Variants in GRIK2 observed in about 807,000 individuals in gnomAD.
GRIK2 encodes glutamate receptor ionotropic, kainate 2.
A neutral mutation model predicts 100.3 loss-of-function variants in GRIK2; 32 were observed. The observed-to-expected ratio is 0.32, with a 90% CI of 0.24 to 0.43. The LOEUF (loss-of-function observed/expected upper bound fraction) is 0.43, where lower values mean the gene tolerates loss of function less well. GRIK2 is among the 20% of genes least tolerant of loss of function. The probability of loss-of-function intolerance (pLI) is 1.00; values close to 1 mark genes in which losing one functional copy is unlikely to be tolerated. For missense variants in GRIK2, 843 were observed against 1,114.9 expected, an observed-to-expected ratio of 0.76 and a Z score of 3.47; for synonymous variants, 417 against 389.4, an observed-to-expected ratio of 1.07 and a Z score of -0.83.
At chr6:101,821,169 C>T (rs1334452501) in intron 10 of GRIK2, among the ~76,000 whole-genome samples, 6 of 152,022 alleles carry the variant, frequency 3.9e-5, no homozygotes, top group Admixed American at 3.9e-4. Context: ...TTATCTAGTA[C>T]AAATAAAGCA....
intron 2 of GRIK2, among the ~76,000 whole-genome samples, chr6:101,541,414 ACACATACACACACACT>A (rs1254976493): frequency 0.021 from 2,186 of 106,328 alleles, 76 homozygotes; most frequent in African/African-American, 0.058. Context: ...ACACACACAC[ACACATACACACACACT>A]ACACCCTTAT....
chr6:101,571,643 G>A (rs1403642276), intron 2 of GRIK2, among the ~76,000 whole-genome samples: 4 of 152,026 alleles, frequency 2.6e-5, no homozygotes, highest in Non-Finnish European at 5.9e-5. Flanking sequence ...AATTAAAAGA[G>A]CATATATGAT....
At chr6:101,665,445 T>C (rs887205355) in intron 4 of GRIK2, among the ~76,000 whole-genome samples, 1 of 152,204 alleles carries the variant, frequency 6.6e-6, no homozygotes, top group Non-Finnish European at 1.5e-5. Flanking sequence ...TTGGAGTTCA[T>C]TGTATATTGA....
At chr6:101,926,195 G>GTTTTTTTTTT (rs35007201) in intron 13 of GRIK2, among the ~76,000 whole-genome samples, 1 of 127,580 alleles carries the variant, frequency 7.8e-6, no homozygotes, top group Admixed American at 7.9e-5. Flanking sequence ...GGGTCCAAGG[G>GTTTTTTTTTT]TTTTTTTTTT....
chr6:101,592,339 G>A (rs491771), intron 2 of GRIK2, among the ~76,000 whole-genome samples: 15,674 of 151,532 alleles, frequency 0.1, 1,047 homozygotes, highest in African/African-American at 0.19. Flanking sequence ...GGAATGCTCC[G>A]AAGCTGTGAT....
chr6:101,602,395 C>T (rs1191963864), intron 2 of GRIK2, among the ~76,000 whole-genome samples: 1 of 151,194 alleles, frequency 6.6e-6, no homozygotes, highest in East Asian at 1.9e-4. Context: ...TGTATATATA[C>T]AGTAAATAGG....
intron 14 of GRIK2, among the ~76,000 whole-genome samples, chr6:102,006,390 A>ATATATATATATTT (rs1315524835): frequency 3.5e-5 from 4 of 114,096 alleles, no homozygotes; most frequent in African/African-American, 1.8e-4. Flanking sequence ...ATATATATAT[A>ATATATATATATTT]TTTTTTTTTT....
At chr6:101,907,175 A>T (rs1188619162) in intron 12 of GRIK2, among the ~76,000 whole-genome samples, 1 of 151,742 alleles carries the variant, frequency 6.6e-6, no homozygotes, top group Non-Finnish European at 1.5e-5. Context: ...AGACATTGGG[A>T]CATAGGTATT....
intron 14 of GRIK2, among the ~76,000 whole-genome samples, chr6:102,010,026 CTTTAT>C (rs977460835): frequency 1.3e-5 from 2 of 151,770 alleles, no homozygotes; most frequent in Non-Finnish European, 2.9e-5. Flanking sequence ...AAATAATAAA[CTTTAT>C]TTTAGAGCAT....
intron 2 of GRIK2, among the ~76,000 whole-genome samples, chr6:101,533,943 A>G (rs985677268): frequency 2.6e-5 from 4 of 151,800 alleles, no homozygotes; most frequent in African/African-American, 9.7e-5. Context: ...TGAATTTCTG[A>G]TTTTGAGTAT....
At chr6:101,756,568 A>G (rs1562360822) in intron 7 of GRIK2, among the ~76,000 whole-genome samples, 1 of 152,122 alleles carries the variant, frequency 6.6e-6, no homozygotes, top group African/African-American at 2.4e-5. Context: ...CCAATCATGA[A>G]TCTCAGAGGC....
chr6:101,801,825 G>T (rs1780689272), intron 8 of GRIK2, among the ~76,000 whole-genome samples: 1 of 151,724 alleles, frequency 6.6e-6, no homozygotes, highest in African/African-American at 2.4e-5. Flanking sequence ...CATTTCCCTT[G>T]CCCTTACTTA....
intron 13 of GRIK2, 103 bp downstream of exon 13, chr6:101,924,822 C>A: frequency 1.4e-6 from 1 of 713,758 alleles, no homozygotes. Flanking sequence ...TGCCTCTGTG[C>A]ATGTAACCAT....
chr6:101,440,050 A>T (rs75954704), intron 2 of GRIK2, among the ~76,000 whole-genome samples: 4,460 of 152,252 alleles, frequency 0.029, 111 homozygotes, highest in South Asian at 0.096. Flanking sequence ...GGAATTTTTT[A>T]AAAAAGTTAG....
At chr6:102,000,116 GT>G (rs1257935395) in intron 14 of GRIK2, among the ~76,000 whole-genome samples, 1 of 151,642 alleles carries the variant, frequency 6.6e-6, no homozygotes, top group Admixed American at 6.6e-5. Context: ...TGCTTCTGTT[GT>G]TTGCTAGTTC....
At chr6:101,882,522 G>A (rs1786322532) in intron 11 of GRIK2, among the ~76,000 whole-genome samples, 1 of 151,742 alleles carries the variant, frequency 6.6e-6, no homozygotes, top group Non-Finnish European at 1.5e-5. Context: ...TTCACCATTA[G>A]CAAGAAGGAG....
intron 10 of GRIK2, among the ~76,000 whole-genome samples, chr6:101,846,282 A>G (rs1350840043): frequency 6.6e-6 from 1 of 152,114 alleles, no homozygotes; most frequent in Non-Finnish European, 1.5e-5. Flanking sequence ...TGAGAGTTTT[A>G]TAGTTTTATC....
intron 2 of GRIK2, among the ~76,000 whole-genome samples, chr6:101,446,429 T>G (rs963165707): frequency 5.3e-5 from 8 of 150,954 alleles, no homozygotes; most frequent in African/African-American, 2.0e-4. Flanking sequence ...ATAAAATGAT[T>G]TTTTTTGTTA....
chr6:101,972,008 T>A (rs9390795), intron 14 of GRIK2, among the ~76,000 whole-genome samples: 55,444 of 151,686 alleles, frequency 0.37, 10,852 homozygotes, highest in South Asian at 0.47. Flanking sequence ...GATTGGCATC[T>A]GTGTTGATTC....
Sources: allele counts gnomAD v4.1 joint callset (sites outside exome capture counted in the v4.1 genomes callset), GRCh38; gene constraint gnomAD v4.1.1; transcripts MANE v1.5; gene names NCBI Gene and HGNC (gene_info 2026-07-23, HGNC 2026-07-21).